The following CPNE4 variants were observed in gnomAD, a reference collection of about 807,000 sequenced individuals.
CPNE4 encodes copine-4.
Under a neutral mutation model 67.9 loss-of-function variants are expected in CPNE4, and 25 were observed. That is an observed-to-expected ratio of 0.37 (90% CI 0.27 to 0.51). The LOEUF is 0.51. CPNE4 is among the 20% of genes least tolerant of loss of function. CPNE4 has a pLI of 0.93. For synonymous variants in CPNE4, 242 were observed against 244.9 expected, an observed-to-expected ratio of 0.99 and a Z score of 0.11; for missense variants, 464 against 690.8, an observed-to-expected ratio of 0.67 and a Z score of 3.68.
At chr3:131,888,553 A>G (rs1030812871) in intron 2 of CPNE4, among the ~76,000 whole-genome samples, 7 of 152,224 alleles carry the variant, frequency 4.6e-5, no homozygotes, top group African/African-American at 1.4e-4. Flanking sequence ...ACTGACCCCA[A>G]GAACATCTGG....
chr3:131,645,900 T>C (rs2079651724), intron 7 of CPNE4, among the ~76,000 whole-genome samples: 1 of 152,168 alleles, frequency 6.6e-6, no homozygotes, highest in Non-Finnish European at 1.5e-5. Context: ...GTTTCAGAAT[T>C]GTGAGTGGAG....
At chr3:131,942,463 T>TGTGTGTGTGA (rs2071424814) in intron 1 of CPNE4, among the ~76,000 whole-genome samples, 6 of 70,768 alleles carry the variant, frequency 8.5e-5, no homozygotes, top group African/African-American at 3.0e-4. Context: ...TGTGTGTGTG[T>TGTGTGTGTGA]GAGAGAGAGA....
chr3:131,538,242 A>G (rs1271543171), intron 15 of CPNE4, among the ~76,000 whole-genome samples: 1 of 152,206 alleles, frequency 6.6e-6, no homozygotes, highest in African/African-American at 2.4e-5. Flanking sequence ...TCACGCAACT[A>G]TTGAGTCCTT....
chr3:131,952,949 C>T (rs1484370016), intron 1 of CPNE4, among the ~76,000 whole-genome samples: 1 of 152,024 alleles, frequency 6.6e-6, no homozygotes, highest in African/African-American at 2.4e-5. Context: ...TACCCCCAAC[C>T]CTGTGCTCTC....
intron 1 of CPNE4, among the ~76,000 whole-genome samples, chr3:131,960,596 A>G (rs2072138158): frequency 6.6e-6 from 1 of 152,168 alleles, no homozygotes; most frequent in Non-Finnish European, 1.5e-5. Context: ...AAGAACTTGA[A>G]CATTATAAAA....
At chr3:131,911,341 G>T (rs1229224980) in intron 1 of CPNE4, among the ~76,000 whole-genome samples, 2 of 152,138 alleles carry the variant, frequency 1.3e-5, no homozygotes, top group Non-Finnish European at 2.9e-5. Context: ...CCTCAGATGT[G>T]ACAGCAGCCC....
intron 4 of CPNE4, among the ~76,000 whole-genome samples, chr3:131,697,886 T>G (rs2081191070): frequency 6.6e-6 from 1 of 152,126 alleles, no homozygotes; most frequent in Non-Finnish European, 1.5e-5. Context: ...TAGAAGCTAT[T>G]AAAGCCAATG....
At chr3:131,743,236 G>A (rs905337710) in intron 2 of CPNE4, among the ~76,000 whole-genome samples, 1 of 152,166 alleles carries the variant, frequency 6.6e-6, no homozygotes, top group African/African-American at 2.4e-5. Flanking sequence ...CAGGCAGTGG[G>A]AAACTTAAAT....
intron 3 of CPNE4, among the ~76,000 whole-genome samples, chr3:131,718,451 G>A (rs1182854894): frequency 6.6e-6 from 1 of 152,048 alleles, no homozygotes. Context: ...ATCCTCACTT[G>A]ACCGCTCACC....
In CPNE4 at chr3:131,863,606, C is replaced by A. The variant is rs569796265; in HGVS notation, c.180+41658G>T. Among the ~76,000 whole-genome samples, 232 of 152,232 alleles carry A rather than the reference C, an allele frequency of 1.5e-3. 1 individual carries two copies. The highest frequency in any genetic ancestry group is 5.4e-3 in the African/African-American group (226 of 41,554). ...GTTCATTGTAGATTCTGGATATTAGCCCTTTGTCAGATGAGTAGGTTGTGA... is the reference window on the plus strand; with the variant it reads ...GTTCATTGTAGATTCTGGATATTAGACCTTTGTCAGATGAGTAGGTTGTGA... On this transcript the variant is annotated intron_variant, in intron 2 of 15. Coordinates refer to ENST00000429747, the MANE Select transcript of CPNE4 (RefSeq NM_130808.3).
chr3:131,535,351 C>T lies in CPNE4; in HGVS notation c.1540-22G>A, dbSNP rs1283624835. On this transcript the variant is annotated intron_variant, in intron 15 of 15. Transcript: ENST00000429747. ...ATGCCTGCAGGGAAGAAGAAATCATCATGACGTTGGCTTCTGGTCAAGGAA... is the reference window on the plus strand; with the variant it reads ...ATGCCTGCAGGGAAGAAGAAATCATTATGACGTTGGCTTCTGGTCAAGGAA... 4 of 1,602,248 alleles carry T rather than the reference C, an allele frequency of 2.5e-6. No homozygotes were observed. The Admixed American group carries it at 5.3e-5, about 21-fold the overall frequency.
intron 2 of CPNE4, among the ~76,000 whole-genome samples, chr3:131,772,932 A>T (rs2083204120): frequency 6.6e-6 from 1 of 152,128 alleles, no homozygotes; most frequent in Non-Finnish European, 1.5e-5. Context: ...TTTCTTTAAG[A>T]ACTAGGAAGT....
In CPNE4 at chr3:131,751,192, G is replaced by GTCAAA. The variant is rs376612874; in HGVS notation, c.181-27572_181-27568dup. ...TGTTGAAGCTGTAGGTTTACATCTT[G>GTCAAA]TCAAATTTTGTAAGTTTTCTGCCAT... On this transcript the variant is annotated intron_variant, in intron 2 of 15. Coordinates refer to ENST00000429747, the MANE Select transcript of CPNE4 (RefSeq NM_130808.3). Among the ~76,000 whole-genome samples, 285 of 152,080 alleles carry GTCAAA rather than the reference G, an allele frequency of 1.9e-3. 1 individual carries two copies. The highest frequency in any genetic ancestry group is 6.0e-3 in the African/African-American group (251 of 41,520).
intron 2 of CPNE4, among the ~76,000 whole-genome samples, chr3:131,763,036 A>G (rs993293305): frequency 1.3e-5 from 2 of 152,094 alleles, no homozygotes; most frequent in Admixed American, 1.3e-4. Context: ...AAACAAAAAA[A>G]CAATCTTTTC....
intron 1 of CPNE4, among the ~76,000 whole-genome samples, chr3:131,947,540 T>A (rs1010369459): frequency 6.6e-6 from 1 of 152,194 alleles, no homozygotes; most frequent in African/African-American, 2.4e-5. Context: ...TCCAGCTTCA[T>A]CCATGTCCCT....
At chr3:131,633,064 C>T (rs2079274662) in intron 7 of CPNE4, among the ~76,000 whole-genome samples, 1 of 152,214 alleles carries the variant, frequency 6.6e-6, no homozygotes, top group Non-Finnish European at 1.5e-5. Flanking sequence ...CTCCCCATCT[C>T]AGCTAATAGT....
At chr3:131,607,079 G>A (rs747967224) in intron 7 of CPNE4, among the ~76,000 whole-genome samples, 32 of 115,246 alleles carry the variant, frequency 2.8e-4, no homozygotes, top group Non-Finnish European at 4.5e-4. Context: ...CTGAAACTCT[G>A]TTTGTCAAAG....
chr3:131,726,574 T>A (rs544201218), intron 2 of CPNE4, among the ~76,000 whole-genome samples: 13 of 152,260 alleles, frequency 8.5e-5, no homozygotes, highest in African/African-American at 3.1e-4. Context: ...AGATGCATTA[T>A]TTTTTTCTGG....
rs61732819 is a variant in CPNE4, at chr3:131,535,237, A to G, written c.1632T>C (p.Cys544=). Residue 544 remains cysteine, a synonymous_variant, in exon 16 of 16, where the codon TGT becomes TGC. Transcript: ENST00000429747. ...YYNGKGIKPK[C]SSEMYESSRT... ...TGGAAGATTCATACATTTCTGATGAACATTTTGGTTTAATTCCTTTGCCAT... is the reference window on the plus strand; with the variant it reads ...TGGAAGATTCATACATTTCTGATGAGCATTTTGGTTTAATTCCTTTGCCAT... The G allele has an allele frequency of 6.5e-4, 1,046 of 1,613,798 alleles. 4 individuals carry two copies. In the African/African-American group the frequency reaches 0.012, roughly 19 times the overall value.
Sources: allele counts gnomAD v4.1 joint callset (sites outside exome capture counted in the v4.1 genomes callset), GRCh38; gene constraint gnomAD v4.1.1; transcripts MANE v1.5; gene names NCBI Gene and HGNC (gene_info 2026-07-23, HGNC 2026-07-21).